Variants in CEP63 observed in about 807,000 individuals in gnomAD.
CEP63 encodes centrosomal protein of 63 kDa.
In CEP63, 84 loss-of-function variants were observed where a neutral mutation model predicts 89.1. That is an observed-to-expected ratio of 0.94 (90% CI 0.79 to 1.13). The LOEUF is 1.13. Ranked by LOEUF, CEP63 falls within the 50% of genes most tolerant of loss-of-function variation. CEP63 has a pLI of 0.00. For synonymous variants in CEP63, 267 were observed against 272.5 expected, an observed-to-expected ratio of 0.98 and a Z score of 0.20; for missense variants, 838 against 813.3, an observed-to-expected ratio of 1.03 and a Z score of -0.37.
intron 1 of CEP63, among the ~76,000 whole-genome samples, chr3:134,492,481 C>T (rs201659712): frequency 6.2e-5 from 1 of 16,006 alleles, no homozygotes; most frequent in African/African-American, 1.9e-4. Flanking sequence ...TGTTTGGCAC[C>T]AGGCAGATGG....
chr3:134,650,899 T>C, the CEP63 span: 4 of 1,613,034 alleles, frequency 2.5e-6, no homozygotes, highest in Admixed American at 5.0e-5. Context: ...GCGCCGCTTC[T>C]CCGAGTGCAC....
At chr3:134,587,833 C>T (rs1269151351), downstream of CEP63, among the ~76,000 whole-genome samples, 1 of 149,084 alleles carries the variant, frequency 6.7e-6, no homozygotes, top group African/African-American at 2.5e-5. Context: ...ATGGACCCCC[C>T]TATAAAAAAA....
the CEP63 span, among the ~76,000 whole-genome samples, chr3:134,728,200 G>A: frequency 2.6e-5 from 4 of 152,186 alleles, no homozygotes; most frequent in Admixed American, 2.0e-4. Flanking sequence ...AAAGTAGTAA[G>A]AGTTCTTAAT....
the CEP63 span, among the ~76,000 whole-genome samples, chr3:134,644,950 C>T: frequency 2.0e-5 from 3 of 152,180 alleles, no homozygotes; most frequent in Admixed American, 6.5e-5. Flanking sequence ...CCAGATCAGG[C>T]GAGGAAAGGG....
the CEP63 span, among the ~76,000 whole-genome samples, chr3:134,691,956 C>T: frequency 6.6e-6 from 1 of 152,092 alleles, no homozygotes; most frequent in African/African-American, 2.4e-5. Context: ...GTGATCTGCT[C>T]GTCTTGATCT....
chr3:134,647,545 G>C, the CEP63 span: 2 of 1,189,420 alleles, frequency 1.7e-6, no homozygotes, highest in South Asian at 2.6e-5. Context: ...GGGCAAAAGA[G>C]TGATGTACCA....
chr3:134,495,730 A>G (rs1576735824), intron 2 of CEP63, among the ~76,000 whole-genome samples: 1 of 151,634 alleles, frequency 6.6e-6, no homozygotes, highest in Non-Finnish European at 1.5e-5. Context: ...AACATTCTTC[A>G]CCCCCAACCC....
At chr3:134,695,401 C>A in the CEP63 span, among the ~76,000 whole-genome samples, 3 of 152,224 alleles carry the variant, frequency 2.0e-5, no homozygotes, top group African/African-American at 7.2e-5. Flanking sequence ...CAACACTCAT[C>A]ATTTATTGAG....
At chr3:134,514,101 A>G (rs1399862134) in intron 3 of CEP63, among the ~76,000 whole-genome samples, 2 of 152,188 alleles carry the variant, frequency 1.3e-5, no homozygotes, top group African/African-American at 2.4e-5. Flanking sequence ...TACAATAACA[A>G]TGTTTATTGC....
the CEP63 span, chr3:134,604,434 C>T: frequency 3.5e-5 from 56 of 1,613,086 alleles, no homozygotes; most frequent in African/African-American, 5.3e-5. Flanking sequence ...TGAACAGCGT[C>T]GGGGCGCAGC....
In CEP63 at chr3:134,551,880, G is replaced by A. The variant is rs183030798; in HGVS notation, c.1381-46G>A. 1.3e-4 allele frequency: 173 copies of A among 1,332,774 alleles called. No individual in the cohort carries two copies. In the African/African-American group the frequency reaches 2.1e-3, roughly 16 times the overall value. 82.6% of individuals were successfully genotyped at this position (1,332,774 alleles called of 1,614,324 possible). A position where few individuals can be genotyped will look rare whatever the true frequency, so the allele number is the denominator to read the frequency against. ...TGTGGAAAAATTTTGTAAGATGCAT[G>A]TGATTTACATGTTATATTTATTTTT... On this transcript the variant is annotated intron_variant, in intron 11 of 14. Coordinates refer to ENST00000675561, the MANE Select transcript of CEP63 (RefSeq NM_001353108.3).
chr3:134,505,661 G>T (rs1278378062), intron 2 of CEP63, among the ~76,000 whole-genome samples: 2 of 152,132 alleles, frequency 1.3e-5, no homozygotes, highest in Non-Finnish European at 2.9e-5. Context: ...AAGGTCCCTG[G>T]ATGATGTCCA....
the CEP63 span, chr3:134,603,527 C>T: frequency 1.2e-5 from 18 of 1,506,450 alleles, no homozygotes; most frequent in East Asian, 4.1e-4. Context: ...CGAGCCCTCC[C>T]TGGGGAGGTC....
chr3:134,549,178 T>TA lies in CEP63; in HGVS notation c.1182+7dup, dbSNP rs1485076521. 1.3e-6 allele frequency: 2 copies of TA among 1,576,430 alleles called. No homozygotes were observed. The highest frequency in any genetic ancestry group is 2.7e-5 in the African/African-American group (2 of 74,110). On this transcript the variant is annotated splice_region_variant and intron_variant, in intron 10 of 14. Coordinates refer to ENST00000675561, the MANE Select transcript of CEP63 (RefSeq NM_001353108.3). Reference sequence around the variant, plus strand: ...GAATACAAAGCAGAGATTAAGAAGGTAAAAATCTGCATACCTAGGATTGCA... The same window carrying TA: ...GAATACAAAGCAGAGATTAAGAAGGTAAAAAATCTGCATACCTAGGATTGCA...
intron 6 of CEP63, among the ~76,000 whole-genome samples, chr3:134,537,889 A>C (rs1951086619): frequency 6.6e-6 from 1 of 152,232 alleles, no homozygotes; most frequent in African/African-American, 2.4e-5. Flanking sequence ...TGTGGTAACA[A>C]AAACACTTAT....
chr3:134,521,048 C>A (rs141835279), intron 3 of CEP63, among the ~76,000 whole-genome samples: 4 of 152,002 alleles, frequency 2.6e-5, no homozygotes, highest in Non-Finnish European at 4.4e-5. Flanking sequence ...TTACAACATA[C>A]AACCAACAAA....
chr3:134,774,281 T>C, the CEP63 span, among the ~76,000 whole-genome samples: 1 of 152,164 alleles, frequency 6.6e-6, no homozygotes, highest in Non-Finnish European at 1.5e-5. Context: ...CTATGCTCAG[T>C]CACACAGCCA....
chr3:134,523,049 C>T (rs1442586255), intron 3 of CEP63, among the ~76,000 whole-genome samples: 1 of 152,172 alleles, frequency 6.6e-6, no homozygotes, highest in Non-Finnish European at 1.5e-5. Flanking sequence ...TTCTCTGCAA[C>T]CTTGCCAGCA....
the CEP63 span, among the ~76,000 whole-genome samples, chr3:134,745,685 C>G: frequency 7.9e-5 from 12 of 151,944 alleles, no homozygotes; most frequent in African/African-American, 2.9e-4. Flanking sequence ...TTTCCCTCAG[C>G]CCCCCACCCC....
Sources: gnomAD v4.1 joint callset for allele counts (sites outside exome capture counted in the v4.1 genomes callset) on GRCh38, gnomAD v4.1.1 for gene constraint, MANE v1.5 for transcripts, NCBI Gene and HGNC (gene_info 2026-07-23, HGNC 2026-07-21) for gene names.